ZFHX2: variants seen among roughly 807,000 people sequenced by gnomAD.
ZFHX2 encodes zinc finger homeobox protein 2.
ZFHX2 carries 75 observed loss-of-function variants against 164.8 expected under a neutral mutation model. The observed-to-expected ratio is 0.46, with a 90% confidence interval of 0.38 to 0.55. ZFHX2 has a LOEUF of 0.55. ZFHX2 is among the 20% of genes least tolerant of loss of function. The pLI is 0.00. For missense variants in ZFHX2, 2,933 were observed against 3,308.0 expected (o/e 0.89, Z 2.78); for synonymous variants, 1,217 against 1,351.4 (o/e 0.90, Z 2.18).
At position 23,546,214 on chromosome 14, in the gene ZFHX2, G is replaced by T. The variant is rs1256918816; in HGVS notation, c.-50+5129C>A. 6.6e-6 allele frequency among the ~76,000 whole-genome samples: 1 copy of T among 152,178 alleles called. No homozygotes were observed. Among genetic ancestry groups the T allele is most frequent in the Non-Finnish European group, 1.5e-5 (1 of 68,036 alleles). ...CTGGAACATTCATGTCTTTCTGATTGCACAGGCCCCTGTGCATGCGACATT... is the reference window on the plus strand; with the variant it reads ...CTGGAACATTCATGTCTTTCTGATTTCACAGGCCCCTGTGCATGCGACATT... On this transcript the variant is annotated intron_variant, in intron 1 of 9. Coordinates refer to ENST00000419474, the MANE Select transcript of ZFHX2 (RefSeq NM_033400.3). The surrounding 1 kb of genome is among the most constrained non-coding windows in gnomAD (Gnocchi z 4.7).
Position 23,531,578 on chromosome 14 carries a change from C to A in ZFHX2, c.2703G>T (p.Arg901Ser), listed in dbSNP as rs1481721503. The stretch of plus-strand genomic sequence containing the variant: ...GGCCATTCTGTAGCAGCTGCAGACG[C>A]CTCTGGGCCTGGGCATCGCGGTGGG... ...TPAHRDAQAQRRLQLLQNGPT... is the reference protein window; with the variant it reads ...TPAHRDAQAQSRLQLLQNGPT... The change falls in exon 4 of 10, where the codon AGG becomes AGT. Residue 901 changes from arginine (R) to serine (S), a missense_variant. Physicochemically the swap from Arg to Ser is moderately radical, Grantham distance 110. Transcript: ENST00000419474. 8 of 1,527,042 alleles carry A rather than the reference C, an allele frequency of 5.2e-6. No homozygotes were observed. In the African/African-American group the frequency reaches 1.1e-4, roughly 21 times the overall value. The allele number at this position is 1,527,042 out of a possible 1,614,324, so 94.6% of individuals were successfully genotyped here.
At position 23,530,149 on chromosome 14, in the gene ZFHX2, T is replaced by C. The variant is rs956667406; in HGVS notation, c.2846A>G (p.Lys949Arg). 5 of 1,536,104 alleles carry C rather than the reference T, an allele frequency of 3.3e-6. No individual in the cohort carries two copies. The highest frequency in any genetic ancestry group is 4.4e-6 in the Non-Finnish European group (5 of 1,146,868). ...TTGTTCTGTCTTGTTCTGGGCATCTTTCTCAGGGGTGGGTGGCTCAGCTAA... is the reference window on the plus strand; with the variant it reads ...TTGTTCTGTCTTGTTCTGGGCATCTCTCTCAGGGGTGGGTGGCTCAGCTAA... ...TPLAEPPTPE[K>R]DAQNKTEQLA... Residue 949 changes from lysine (K) to arginine (R), a missense_variant, in exon 5 of 10, where the codon AAA becomes AGA. Coordinates refer to ENST00000419474, the MANE Select transcript of ZFHX2 (RefSeq NM_033400.3).
intron 1 of ZFHX2, chr14:23,548,549 C>T (rs1362383434): frequency 1.3e-5 from 2 of 152,232 alleles, no homozygotes; most frequent in African/African-American, 4.8e-5. Flanking sequence ...ACATCAGAGG[C>T]TTGAGGTCTT....
Position 23,531,724 on chromosome 14 carries a change from A to G in ZFHX2, c.2560-3T>C. On this transcript the variant is annotated splice_polypyrimidine_tract_variant and splice_region_variant and intron_variant, in intron 3 of 9. Transcript: ENST00000419474. The stretch of plus-strand genomic sequence containing the variant: ...GCTCCCTCCATGTCCAGCAGAAACT[A>G]GAACCATGGGAAGAGGCTGGCTCAG... The G allele has an allele frequency of 7.5e-7, 1 of 1,339,562 alleles. No homozygotes were observed. The highest frequency in any genetic ancestry group is 2.9e-5 in the East Asian group (1 of 35,016). The allele number at this position is 1,339,562 out of a possible 1,614,324, so 83.0% of individuals were successfully genotyped here.
In ZFHX2 at chr14:23,525,447, C is replaced by A; in HGVS notation, c.4495G>T (p.Glu1499Ter). ...FSNMLILKTH[E>*]EHVHRRFLPF... ...AGAAAGCGGCGGTGGACATGTTCCT[C>A]GTGTGTCTTGAGGATAAGCATATTG... The change falls in exon 9 of 10, where the codon GAG becomes TAG. Residue 1499 changes from glutamate to a stop codon, truncating the protein, a stop_gained. Coordinates refer to ENST00000419474, the MANE Select transcript of ZFHX2 (RefSeq NM_033400.3). LOFTEE classifies it high-confidence loss of function. The surrounding 1 kb of genome is among the most constrained non-coding windows in gnomAD (Gnocchi z 5.9). The A allele has an allele frequency of 6.5e-7, 1 of 1,536,114 alleles. No individual in the cohort carries two copies. Among genetic ancestry groups the A allele is most frequent in the Non-Finnish European group, 8.7e-7 (1 of 1,146,908 alleles).
At chr14:23,545,698 C>T in intron 1 of ZFHX2, among the ~76,000 whole-genome samples, 1 of 152,156 alleles carries the variant, frequency 6.6e-6, no homozygotes, top group East Asian at 1.9e-4. Context: ...GCATCTGTGG[C>T]CCAAGCAGAC....
At position 23,522,901 on chromosome 14, in the gene ZFHX2, C is replaced by G; in HGVS notation, c.6780G>C (p.Ser2260=). 1.4e-6 allele frequency: 2 copies of G among 1,471,264 alleles called. No individual in the cohort carries two copies. The highest frequency in any genetic ancestry group is 1.8e-6 in the Non-Finnish European group (2 of 1,114,934). The allele number at this position is 1,471,264 out of a possible 1,614,324, so 91.1% of individuals were successfully genotyped here. The change falls in exon 10 of 10, where the codon TCG becomes TCC. Residue 2260 remains serine (S), a synonymous_variant. Transcript: ENST00000419474. ...ASSGLLGLAT[S]VLPTTTVVQT... ...GGACCACTGTGGTGGTAGGCAGGACCGAAGTGGCGAGGCCGAGGAGGCCTG... is the reference window on the plus strand; with the variant it reads ...GGACCACTGTGGTGGTAGGCAGGACGGAAGTGGCGAGGCCGAGGAGGCCTG...
At chr14:23,537,818 T>C (rs1255780409) in intron 1 of ZFHX2, among the ~76,000 whole-genome samples, 2 of 152,168 alleles carry the variant, frequency 1.3e-5, no homozygotes, top group Non-Finnish European at 2.9e-5. Context: ...GGGTCTGTTA[T>C]TCCATCGTCA....
chr14:23,522,290 G>C lies in ZFHX2; in HGVS notation c.7391C>G (p.Ala2464Gly), dbSNP rs1357347662. Residue 2464 changes from alanine to glycine, a missense_variant, in exon 10 of 10, where the codon GCC becomes GGC. Coordinates refer to ENST00000419474, the MANE Select transcript of ZFHX2 (RefSeq NM_033400.3). ...GGATCTCTGGTGGGCAGTAGCCGGG[G>C]CCTCCCCGTCAAATGCCATCTTGCA... ...RQCKMAFDGE[A>G]PATAHQRSFC... The C allele has an allele frequency of 2.7e-6, 4 of 1,506,092 alleles. No homozygotes were observed. In the East Asian group the frequency reaches 7.4e-5, roughly 28 times the overall value. The allele number at this position is 1,506,092 out of a possible 1,614,324, so 93.3% of individuals were successfully genotyped here. A position where few individuals can be genotyped will look rare whatever the true frequency, so the allele number is the denominator to read the frequency against.
At position 23,521,059 on chromosome 14, in the gene ZFHX2, A is replaced by G. The variant is rs1000070652; in HGVS notation, c.*903T>C. ...GTTGGTGGGCAGTGCCTGTCCCTGG[A>G]GGCTGGACCCTCACGTGGCAGGGCT... On this transcript the variant is annotated 3_prime_UTR_variant, in exon 10 of 10. Coordinates refer to ENST00000419474, the MANE Select transcript of ZFHX2 (RefSeq NM_033400.3). The G allele has an allele frequency of 2.6e-5, 4 of 151,538 alleles. No individual in the cohort carries two copies. Among genetic ancestry groups the G allele is most frequent in the African/African-American group, 9.7e-5 (4 of 41,160 alleles). The allele number at this position is 151,538 out of a possible 1,614,324, so 9.4% of individuals were successfully genotyped here.
At chr14:23,531,175 C>T (rs1879501706) in intron 4 of ZFHX2, 2 of 261,916 alleles carry the variant, frequency 7.6e-6, no homozygotes, top group Admixed American at 5.5e-5. Context: ...GCCTGCCACC[C>T]TCCAGCATTA....
chr14:23,552,443 T>C (rs1882044429), upstream of ZFHX2, among the ~76,000 whole-genome samples: 1 of 151,240 alleles, frequency 6.6e-6, no homozygotes, highest in Non-Finnish European at 1.5e-5. Context: ...CAGGCATGCA[T>C]CAACACACCC....
intron 1 of ZFHX2, among the ~76,000 whole-genome samples, chr14:23,549,525 T>C (rs952497077): frequency 6.6e-6 from 1 of 151,960 alleles, no homozygotes; most frequent in Non-Finnish European, 1.5e-5. Flanking sequence ...TTTATTACAC[T>C]AATAAACACT....
Position 23,534,539 on chromosome 14 carries a change from GCTTCAC to G in ZFHX2, c.781_786del (p.Val261_Lys262del). The G allele has an allele frequency of 6.5e-7, 1 of 1,536,150 alleles. No homozygotes were observed. The highest frequency in any genetic ancestry group is 8.7e-7 in the Non-Finnish European group (1 of 1,146,908). On this transcript the variant is annotated inframe_deletion, in exon 2 of 10. Coordinates refer to ENST00000419474, the MANE Select transcript of ZFHX2 (RefSeq NM_033400.3). The surrounding 1 kb of genome is among the most constrained non-coding windows in gnomAD (Gnocchi z 4.5). The stretch of plus-strand genomic sequence containing the variant: ...AGGCCCTGATATTGGGCAGGGGTTA[GCTTCAC>G]CCCATGAGACTGTGTGTGATCCATA...
rs1047463606 is a variant in ZFHX2 at position 23,525,543 on chromosome 14, T to G, written c.4399A>C (p.Thr1467Pro). 6.5e-6 allele frequency: 10 copies of G among 1,534,082 alleles called. No homozygotes were observed. Among genetic ancestry groups the G allele is most frequent in the Non-Finnish European group, 8.7e-6 (10 of 1,146,644 alleles). The change falls in exon 9 of 10, where the codon ACC becomes CCC. Residue 1467 changes from threonine to proline, a missense_variant. Thr to Pro is a conservative substitution (Grantham distance 38). Transcript: ENST00000419474. This position sits in a 1 kb window ranked among gnomAD's most constrained non-coding sequence, Gnocchi z 5.9. Reference protein sequence around the residue: ...EGKQAVPPPPTPPPPEALGGG... With the variant: ...EGKQAVPPPPPPPPPEALGGG... The stretch of plus-strand genomic sequence containing the variant: ...CCGAGGGCCTCAGGTGGGGGTGGGG[T>G]AGGGGGAGGGGGCACAGCTTGCTTC...
chr14:23,542,283 TGAG>T (rs1284399520), intron 1 of ZFHX2: 3 of 151,920 alleles, frequency 2.0e-5, no homozygotes, highest in Non-Finnish European at 2.9e-5. Context: ...GGGTGAGGTG[TGAG>T]GAGAAAAGGG....
rs753603580 is a variant in ZFHX2 at position 23,525,657 on chromosome 14, C to T, written c.4285G>A (p.Asp1429Asn). Residue 1429 changes from aspartate (D) to asparagine (N), a missense_variant, in exon 9 of 10, where the codon GAC (aspartate) becomes AAC (asparagine). Asp to Asn is a conservative substitution (Grantham distance 23). Transcript: ENST00000419474. This position sits in a 1 kb window ranked among gnomAD's most constrained non-coding sequence, Gnocchi z 5.9. Reference sequence around the variant, plus strand: ...CGGGCAGCCTCGTTGGGCAATGGGTCGGGGGGTGAGGAAGGCCCTGCCTCA... The same window carrying T: ...CGGGCAGCCTCGTTGGGCAATGGGTTGGGGGGTGAGGAAGGCCCTGCCTCA... ...GNEAGPSSPP[D>N]PLPNEAARTA... is the part of the protein sequence containing the mutation. 212 of 1,535,286 alleles carry T rather than the reference C, an allele frequency of 1.4e-4. No homozygotes were observed. Among genetic ancestry groups the T allele is most frequent in the African/African-American group, 1.2e-3 (87 of 73,002 alleles).
chr14:23,535,183 G>A lies in ZFHX2; in HGVS notation c.143C>T (p.Ser48Phe). Reference protein sequence around the residue: ...TKDPPAASSTSENMRSSEPGG... With the variant: ...TKDPPAASSTFENMRSSEPGG... Reference sequence around the variant, plus strand: ...TGGCTCTGAGGACCTCATGTTCTCAGAGGTGGAGGAGGCAGCAGGGGGATC... The same window carrying A: ...TGGCTCTGAGGACCTCATGTTCTCAAAGGTGGAGGAGGCAGCAGGGGGATC... Residue 48 changes from serine (S) to phenylalanine (F), a missense_variant, in exon 2 of 10, where the codon TCT becomes TTT. Transcript: ENST00000419474. This position sits in a 1 kb window ranked among gnomAD's most constrained non-coding sequence, Gnocchi z 4.5. 6.5e-7 allele frequency: 1 copy of A among 1,532,046 alleles called. No individual in the cohort carries two copies. The highest frequency in any genetic ancestry group is 8.7e-7 in the Non-Finnish European group (1 of 1,143,366). 94.9% of individuals were successfully genotyped at this position (1,532,046 alleles called of 1,614,324 possible).
At chr14:23,548,629 T>G (rs887016014) in intron 1 of ZFHX2, among the ~76,000 whole-genome samples, 2 of 152,182 alleles carry the variant, frequency 1.3e-5, no homozygotes, top group African/African-American at 4.8e-5. Context: ...CTTTTTCATC[T>G]CTTTGCTTGT....
Sources: gnomAD v4.1 joint callset for allele counts (sites outside exome capture counted in the v4.1 genomes callset) on GRCh38, gnomAD v4.1.1 for gene constraint, Gnocchi (gnomAD v3.1) non-coding constraint, MANE v1.5 for transcripts, NCBI Gene and HGNC (gene_info 2026-07-23, HGNC 2026-07-21) for gene names.